KCTD16: variants seen among roughly 807,000 people sequenced by gnomAD.
The protein encoded by KCTD16 is potassium channel tetramerization domain containing 16, also known as BTB/POZ domain-containing protein KCTD16.
A neutral mutation model predicts 33.2 loss-of-function variants in KCTD16; 13 were observed. The ratio of observed to expected loss-of-function variants is 0.39; its 90% CI spans 0.25 to 0.62. The LOEUF is 0.62. Among genes scored for constraint, KCTD16 ranks in the 20% least tolerant of loss-of-function variants. The pLI, the probability that KCTD16 is intolerant of heterozygous loss-of-function variation, is 0.50. For synonymous variants in KCTD16, 197 were observed against 195.3 expected (o/e 1.01, Z -0.07); for missense variants, 441 against 525.1 (o/e 0.84, Z 1.57).
chr5:144,264,627 G>A (rs1755095525), intron 3 of KCTD16, among the ~76,000 whole-genome samples: 1 of 152,098 alleles, frequency 6.6e-6, no homozygotes, highest in Non-Finnish European at 1.5e-5. Context: ...TAAAAAGTTA[G>A]CTGGGCATGG....
chr5:144,427,937 A>G (rs762622967), intron 3 of KCTD16, among the ~76,000 whole-genome samples: 2 of 152,110 alleles, frequency 1.3e-5, no homozygotes, highest in Non-Finnish European at 2.9e-5. Context: ...AAATTAAGGT[A>G]ATAATAACTA....
intron 3 of KCTD16, among the ~76,000 whole-genome samples, chr5:144,262,073 T>C (rs1755028885): frequency 6.6e-6 from 1 of 152,072 alleles, no homozygotes; most frequent in Non-Finnish European, 1.5e-5. Context: ...TAAAAAGAAA[T>C]AGATACCTAG....
intron 3 of KCTD16, among the ~76,000 whole-genome samples, chr5:144,264,373 G>T (rs948440139): frequency 7.9e-5 from 12 of 152,200 alleles, no homozygotes; most frequent in Admixed American, 3.9e-4. Context: ...GAAATGTAAG[G>T]ATTTTGGATC....
intron 3 of KCTD16, among the ~76,000 whole-genome samples, chr5:144,376,765 T>G (rs1053246865): frequency 2.6e-5 from 4 of 152,202 alleles, no homozygotes; most frequent in Admixed American, 2.0e-4. Context: ...TAATGGAAAC[T>G]GATTAAAGGG....
intron 2 of KCTD16, among the ~76,000 whole-genome samples, chr5:144,178,445 G>C (rs1175313879): frequency 6.6e-6 from 1 of 152,014 alleles, no homozygotes; most frequent in Non-Finnish European, 1.5e-5. Context: ...TTTTTAAACA[G>C]AGACATGTGA....
intron 3 of KCTD16, among the ~76,000 whole-genome samples, chr5:144,211,518 T>C (rs28490875): frequency 0.012 from 1,856 of 152,270 alleles, 50 homozygotes; most frequent in African/African-American, 0.042. Context: ...ATTAAAACTA[T>C]TGTATACAAT....
At chr5:144,225,139 C>T (rs1753890979) in intron 3 of KCTD16, among the ~76,000 whole-genome samples, 2 of 152,146 alleles carry the variant, frequency 1.3e-5, no homozygotes, top group South Asian at 2.1e-4. Flanking sequence ...CAGAGCTATT[C>T]AAGGGAGCCG....
At chr5:144,302,569 A>G (rs1374808977) in intron 3 of KCTD16, among the ~76,000 whole-genome samples, 1 of 152,164 alleles carries the variant, frequency 6.6e-6, no homozygotes, top group Non-Finnish European at 1.5e-5. Flanking sequence ...CAAATTTATA[A>G]ATCTTCACCC....
In KCTD16 at chr5:144,456,691, G is replaced by A. The variant is rs140493103; in HGVS notation, c.833-16969G>A. Reference sequence around the variant, plus strand: ...TGTATTTTTGACTGATAAATTTGTAGTTGTGTCGATCTGGGCTTTTGAATT... The same window carrying A: ...TGTATTTTTGACTGATAAATTTGTAATTGTGTCGATCTGGGCTTTTGAATT... On this transcript the variant is annotated intron_variant, in intron 3 of 3. Transcript: ENST00000512467. 2.8e-3 allele frequency among the ~76,000 whole-genome samples: 422 copies of A among 150,696 alleles called. 4 individuals are homozygous for A. Among genetic ancestry groups the A allele is most frequent in the African/African-American group, 9.3e-3 (384 of 41,076 alleles).
In KCTD16 at chr5:144,476,461, C is replaced by G. The variant is rs1319356078; in HGVS notation, c.*2347C>G. The G allele has an allele frequency of 6.6e-6, 1 of 152,168 alleles. No individual in the cohort carries two copies. The highest frequency in any genetic ancestry group is 2.1e-4 in the South Asian group (1 of 4,826). The allele number at this position is 152,168 out of a possible 1,614,324, so 9.4% of individuals were successfully genotyped here. The stretch of plus-strand genomic sequence containing the variant: ...GTTCGTGGCAGTGTTCCTCTGACCC[C>G]TGACCTGTCATGAGTTTTCTCTGCT... On this transcript the variant is annotated 3_prime_UTR_variant, in exon 4 of 4. Transcript: ENST00000512467.
intron 3 of KCTD16, among the ~76,000 whole-genome samples, chr5:144,286,631 T>C (rs115871264): frequency 1.2e-3 from 178 of 152,368 alleles, no homozygotes; most frequent in African/African-American, 4.1e-3. Context: ...TTATCACTTA[T>C]TGACATTCTG....
At chr5:144,293,683 A>G (rs1404787838) in intron 3 of KCTD16, among the ~76,000 whole-genome samples, 1 of 152,202 alleles carries the variant, frequency 6.6e-6, no homozygotes. Flanking sequence ...GTCCATGACA[A>G]TTTCAATGAT....
intron 3 of KCTD16, among the ~76,000 whole-genome samples, chr5:144,221,009 A>C (rs1753732499): frequency 6.6e-6 from 1 of 151,964 alleles, no homozygotes; most frequent in Non-Finnish European, 1.5e-5. Flanking sequence ...CTTGAGAAAG[A>C]GGTTAAGAGA....
At chr5:144,248,061 T>C (rs147533165) in intron 3 of KCTD16, among the ~76,000 whole-genome samples, 3 of 152,242 alleles carry the variant, frequency 2.0e-5, no homozygotes, top group Non-Finnish European at 4.4e-5. Context: ...CTGAGACAGA[T>C]AACCTTGCCC....
chr5:144,431,202 A>C (rs149047979), intron 3 of KCTD16, among the ~76,000 whole-genome samples: 1 of 152,178 alleles, frequency 6.6e-6, no homozygotes, highest in Non-Finnish European at 1.5e-5. Flanking sequence ...CTAGCAGGTA[A>C]TAGCCTACCT....
At chr5:144,300,795 G>A (rs1751413786) in intron 3 of KCTD16, among the ~76,000 whole-genome samples, 1 of 152,142 alleles carries the variant, frequency 6.6e-6, no homozygotes, top group South Asian at 2.1e-4. Context: ...CACTAAATGA[G>A]AGTTTGCTAG....
intron 3 of KCTD16, among the ~76,000 whole-genome samples, chr5:144,383,297 C>T (rs1336781036): frequency 6.6e-6 from 1 of 152,178 alleles, no homozygotes; most frequent in African/African-American, 2.4e-5. Flanking sequence ...GTAGAGCTGA[C>T]ATTTCTCTGC....
intron 3 of KCTD16, among the ~76,000 whole-genome samples, chr5:144,391,170 T>C (rs140861182): frequency 6.6e-6 from 1 of 152,300 alleles, no homozygotes; most frequent in East Asian, 1.9e-4. Flanking sequence ...ATACAGTAGG[T>C]GTGCAAAATA....
At chr5:144,308,131 C>A (rs1020485855) in intron 3 of KCTD16, among the ~76,000 whole-genome samples, 5 of 152,082 alleles carry the variant, frequency 3.3e-5, no homozygotes, top group Admixed American at 6.6e-5. Flanking sequence ...ACCAGGGCAG[C>A]CTTATTAATA....
Sources: gnomAD v4.1 joint callset for allele counts (sites outside exome capture counted in the v4.1 genomes callset) on GRCh38, gnomAD v4.1.1 for gene constraint, MANE v1.5 for transcripts, NCBI Gene and HGNC (gene_info 2026-07-23, HGNC 2026-07-21) for gene names.